Variants in STAT1 observed in about 807,000 individuals in gnomAD.
The protein encoded by STAT1 is signal transducer and activator of transcription 1.
A neutral mutation model predicts 111.7 loss-of-function variants in STAT1; 24 were observed. That is an observed-to-expected ratio of 0.21 (90% confidence interval 0.16 to 0.30). The LOEUF is 0.30. Among genes scored for constraint, STAT1 ranks in the 10% least tolerant of loss-of-function variants. STAT1 has a pLI of 1.00. For synonymous variants in STAT1, 332 were observed against 326.5 expected (o/e 1.02, Z -0.18); for missense variants, 351 against 911.9 (o/e 0.38, Z 7.92).
At chr2:191,001,334 CA>C (rs1429484446) in intron 5 of STAT1, among the ~76,000 whole-genome samples, 171 bp from the exon 6 acceptor site, 2 of 152,178 alleles carry the variant, frequency 1.3e-5, no homozygotes, top group Non-Finnish European at 2.9e-5. Context: ...AAAATGCTGG[CA>C]AACTGTTAAC....
chr2:191,013,125 T>C (rs1695267365), intron 2 of STAT1, among the ~76,000 whole-genome samples: 1 of 152,240 alleles, frequency 6.6e-6, no homozygotes, highest in Non-Finnish European at 1.5e-5. Flanking sequence ...GTTTGTTGAA[T>C]TGAAATTATG....
Position 190,993,541 on chromosome 2 carries a change from A to G in STAT1, c.944+1520T>C. 1.5e-6 allele frequency: 1 copy of G among 676,800 alleles called. No individual in the cohort carries two copies. Among genetic ancestry groups the G allele is most frequent in the Non-Finnish European group, 2.7e-6 (1 of 368,682 alleles). The allele number at this position is 676,800 out of a possible 1,614,324, so 41.9% of individuals were successfully genotyped here. ...CCAATCAGAAGTAATTTGAATAAAT[A>G]ATCAATTTGGGATTCATGCTGGACA... is the stretch of plus-strand genomic sequence containing the variant. On this transcript the variant is annotated intron_variant, in intron 10 of 24. Coordinates refer to ENST00000361099, the MANE Select transcript of STAT1 (RefSeq NM_007315.4). The surrounding 1 kb of genome is among the most constrained non-coding windows in gnomAD (Gnocchi z 4.1).
intron 4 of STAT1, 125 bp downstream of exon 4, chr2:191,008,838 G>T: frequency 1.0e-6 from 1 of 959,936 alleles, no homozygotes; most frequent in Non-Finnish European, 1.6e-6. Context: ...AACATAAATG[G>T]AGTTAGTCTC....
rs551269072 is a variant in STAT1, at chr2:190,983,912, T to C, written c.1348-172A>G. 1.1e-4 allele frequency among the ~76,000 whole-genome samples: 16 copies of C among 152,318 alleles called. No homozygotes were observed. The South Asian group carries it at 3.3e-3, about 32-fold the overall frequency. On this transcript the variant is annotated intron_variant, in intron 16 of 24. Transcript: ENST00000361099. This position sits in a 1 kb window ranked among gnomAD's most constrained non-coding sequence, Gnocchi z 5.7. Reference sequence around the variant, plus strand: ...TCTGTCCAGTTTAACTTGTCTTTGATGTATCTTTCAGTTAAGAAATAAGTC... The same window carrying C: ...TCTGTCCAGTTTAACTTGTCTTTGACGTATCTTTCAGTTAAGAAATAAGTC...
Position 190,997,738 on chromosome 2 carries a change from T to C in STAT1, c.785+118A>G. On this transcript the variant is annotated intron_variant, in intron 9 of 24. Transcript: ENST00000361099. This position sits in a 1 kb window ranked among gnomAD's most constrained non-coding sequence, Gnocchi z 7.3. Reference sequence around the variant, plus strand: ...CAGGGTAAGCAGAAGCTGGACTATGTCAAACTCTATACTAATGTTTTGACA... The same window carrying C: ...CAGGGTAAGCAGAAGCTGGACTATGCCAAACTCTATACTAATGTTTTGACA... The C allele has an allele frequency of 6.7e-7, 1 of 1,486,590 alleles. No individual in the cohort carries two copies. Among genetic ancestry groups the C allele is most frequent in the South Asian group, 1.2e-5 (1 of 86,742 alleles). 92.1% of individuals were successfully genotyped at this position (1,486,590 alleles called of 1,614,324 possible). A position where few individuals can be genotyped will look rare whatever the true frequency, so the allele number is the denominator to read the frequency against.
chr2:191,001,159 T>C lies in STAT1; in HGVS notation c.377A>G (p.Gln126Arg), dbSNP rs748265365. The change falls in exon 6 of 25, where the codon CAG (glutamine) becomes CGG (arginine). Residue 126 changes from glutamine to arginine, a missense_variant. By Grantham distance (43) the Gln-to-Arg change is conservative. Around this residue, in one of 7 missense-constraint regions of STAT1, gnomAD observed 20 missense variants for 18.4 expected, o/e 1.09. Coordinates refer to ENST00000361099, the MANE Select transcript of STAT1 (RefSeq NM_007315.4). ...CACTGTGCTCTGAATATTCCCCGAC[T>C]GAGCCTGTAATGGGAAGGGCATGAT... Reference protein sequence around the residue: ...LENAQRFNQAQSGNIQSTVML... With the variant: ...LENAQRFNQARSGNIQSTVML... 4 of 1,613,256 alleles carry C rather than the reference T, an allele frequency of 2.5e-6. 1 individual carries two copies. In the South Asian group the frequency reaches 4.4e-5, roughly 18 times the overall value.
At position 190,973,080 on chromosome 2, in the gene STAT1, A is replaced by G. The variant is rs765028967; in HGVS notation, c.2238+1750T>C. Among the ~76,000 whole-genome samples, 1 of 152,164 alleles carries G rather than the reference A, an allele frequency of 6.6e-6. No individual in the cohort carries two copies. The highest frequency in any genetic ancestry group is 1.9e-4 in the East Asian group (1 of 5,190). On this transcript the variant is annotated intron_variant, in intron 24 of 24. Transcript: ENST00000361099. The surrounding 1 kb of genome is among the most constrained non-coding windows in gnomAD (Gnocchi z 4.4). ...CTATTTTCTCAATAATGGTGATGAC[A>G]GAGATGGAATGCTGATTGCCAAATC...
chr2:190,997,264 C>T lies in STAT1; in HGVS notation c.785+592G>A, dbSNP rs534057273. On this transcript the variant is annotated intron_variant, in intron 9 of 24. Coordinates refer to ENST00000361099, the MANE Select transcript of STAT1 (RefSeq NM_007315.4). This position sits in a 1 kb window ranked among gnomAD's most constrained non-coding sequence, Gnocchi z 7.3. Reference sequence around the variant, plus strand: ...GGCCACTTCCTCTATGAAACCTTCCCTGGAGATGCTTTCCTTTGTCCTCCA... The same window carrying T: ...GGCCACTTCCTCTATGAAACCTTCCTTGGAGATGCTTTCCTTTGTCCTCCA... Among the ~76,000 whole-genome samples the T allele has an allele frequency of 2.6e-5, 4 of 152,350 alleles. No homozygotes were observed. The highest frequency in any genetic ancestry group is 9.6e-5 in the African/African-American group (4 of 41,586).
Position 191,000,342 on chromosome 2 carries a change from C to T in STAT1, c.463-638G>A, listed in dbSNP as rs1300653311. ...TTAATGAAATGTTTCCCTAGGAGAC[C>T]GCAAGATGAAGTTGCTCCAAAGAAT... On this transcript the variant is annotated intron_variant, in intron 6 of 24. Coordinates refer to ENST00000361099, the MANE Select transcript of STAT1 (RefSeq NM_007315.4). The surrounding 1 kb of genome is among the most constrained non-coding windows in gnomAD (Gnocchi z 4.8). Among the ~76,000 whole-genome samples, 11 of 152,240 alleles carry T rather than the reference C, an allele frequency of 7.2e-5. 1 individual carries two copies. The highest frequency in any genetic ancestry group is 4.2e-4 in the South Asian group (2 of 4,816).
chr2:190,989,915 C>G lies in STAT1; in HGVS notation c.1038-241G>C, dbSNP rs1473760706. Among the ~76,000 whole-genome samples, 1 of 152,202 alleles carries G rather than the reference C, an allele frequency of 6.6e-6. No individual in the cohort carries two copies. The highest frequency in any genetic ancestry group is 2.4e-5 in the African/African-American group (1 of 41,452). On this transcript the variant is annotated intron_variant, in intron 11 of 24. Coordinates refer to ENST00000361099, the MANE Select transcript of STAT1 (RefSeq NM_007315.4). The surrounding 1 kb of genome is among the most constrained non-coding windows in gnomAD (Gnocchi z 5.0). ...TAACACTAATTCTGACAGGATGCCG[C>G]CCTGATTTTACATTGCCACCAAAAG...
Position 190,997,944 on chromosome 2 carries a change from TAATC to T in STAT1, c.693_696del (p.Ile232MetfsTer4), listed in dbSNP as rs762060782. The stretch of plus-strand genomic sequence containing the variant: ...CGCTTCCACTCCACTAGTTCATCAT[TAATC>T]AGGGCATTCTGGGTAAGTTCAGTGA... On this transcript the variant is annotated frameshift_variant, in exon 9 of 25. Coordinates refer to ENST00000361099, the MANE Select transcript of STAT1 (RefSeq NM_007315.4). LOFTEE classifies it high-confidence loss of function. The surrounding 1 kb of genome is among the most constrained non-coding windows in gnomAD (Gnocchi z 7.3). 6.2e-7 allele frequency: 1 copy of T among 1,614,252 alleles called. No homozygotes were observed. The highest frequency in any genetic ancestry group is 1.1e-5 in the South Asian group (1 of 91,084).
rs746193127 is a variant in STAT1, at chr2:190,975,987, A to T, written c.2060-100T>A. ...GATTAAAGTTCTACTGTGTTTCTAG[A>T]CAGCTTAGCCTCCTAAAACTTTAAG... On this transcript the variant is annotated intron_variant, in intron 22 of 24. Coordinates refer to ENST00000361099, the MANE Select transcript of STAT1 (RefSeq NM_007315.4). The surrounding 1 kb of genome is among the most constrained non-coding windows in gnomAD (Gnocchi z 5.9). 212 of 1,079,070 alleles carry T rather than the reference A, an allele frequency of 2.0e-4. No homozygotes were observed. Among genetic ancestry groups the T allele is most frequent in the Non-Finnish European group, 2.8e-4 (203 of 713,094 alleles). The allele number at this position is 1,079,070 out of a possible 1,614,324, so 66.8% of individuals were successfully genotyped here. A position where few individuals can be genotyped will look rare whatever the true frequency, so the allele number is the denominator to read the frequency against.
In STAT1 at chr2:190,993,548, T is replaced by C. The variant is rs2125055200; in HGVS notation, c.944+1513A>G. The C allele has an allele frequency of 1.5e-6, 1 of 655,814 alleles. No homozygotes were observed. The highest frequency in any genetic ancestry group is 2.8e-6 in the Non-Finnish European group (1 of 351,828). 40.6% of individuals were successfully genotyped at this position (655,814 alleles called of 1,614,324 possible). A position where few individuals can be genotyped will look rare whatever the true frequency, so the allele number is the denominator to read the frequency against. On this transcript the variant is annotated intron_variant, in intron 10 of 24. Transcript: ENST00000361099. The surrounding 1 kb of genome is among the most constrained non-coding windows in gnomAD (Gnocchi z 4.1). ...GAAGTAATTTGAATAAATAATCAAT[T>C]TGGGATTCATGCTGGACATGTCACT...
At chr2:190,991,153 AG>A in intron 11 of STAT1, 74 bp downstream of exon 11, 4 of 1,411,488 alleles carry the variant, frequency 2.8e-6, no homozygotes, top group Non-Finnish European at 4.0e-6. Flanking sequence ...CCTATATAAC[AG>A]TTTTTATAAA....
chr2:190,996,575 C>T lies in STAT1; in HGVS notation c.785+1281G>A, dbSNP rs1349599331. Among the ~76,000 whole-genome samples, 5 of 152,204 alleles carry T rather than the reference C, an allele frequency of 3.3e-5. No individual in the cohort carries two copies. Among genetic ancestry groups the T allele is most frequent in the Non-Finnish European group, 7.4e-5 (5 of 68,016 alleles). ...CTAAACACCCCAGGGCCTCCCTGGCCACCTGAAGGGCTTTAGGGTTGTATG... is the reference window on the plus strand; with the variant it reads ...CTAAACACCCCAGGGCCTCCCTGGCTACCTGAAGGGCTTTAGGGTTGTATG... On this transcript the variant is annotated intron_variant, in intron 9 of 24. Transcript: ENST00000361099. The surrounding 1 kb of genome is among the most constrained non-coding windows in gnomAD (Gnocchi z 4.5).
At position 190,995,361 on chromosome 2, in the gene STAT1, G is replaced by A; in HGVS notation, c.786-142C>T. ...ACTGGAGAATTTATAAAGGAAAGAG[G>A]TTTAATTGACACATAGTTCCACATG... On this transcript the variant is annotated intron_variant, in intron 9 of 24. Coordinates refer to ENST00000361099, the MANE Select transcript of STAT1 (RefSeq NM_007315.4). The surrounding 1 kb of genome is among the most constrained non-coding windows in gnomAD (Gnocchi z 4.2). The A allele has an allele frequency of 3.3e-6, 3 of 909,124 alleles. No individual in the cohort carries two copies. The highest frequency in any genetic ancestry group is 5.3e-6 in the Non-Finnish European group (3 of 570,626). 56.3% of individuals were successfully genotyped at this position (909,124 alleles called of 1,614,324 possible).
At chr2:190,994,954 ATAT>A (rs1559017157) in intron 10 of STAT1, 104 bp downstream of exon 10, 77 of 424,098 alleles carry the variant, frequency 1.8e-4, no homozygotes, top group Non-Finnish European at 2.9e-4. Context: ...ATATATATAT[ATAT>A]AAAAAACACC....
rs1692395747 is a variant in STAT1 at position 190,981,571 on chromosome 2, T to A, written c.1582+812A>T. 6.6e-6 allele frequency among the ~76,000 whole-genome samples: 1 copy of A among 152,226 alleles called. No homozygotes were observed. Among genetic ancestry groups the A allele is most frequent in the African/African-American group, 2.4e-5 (1 of 41,456 alleles). On this transcript the variant is annotated intron_variant, in intron 18 of 24. Coordinates refer to ENST00000361099, the MANE Select transcript of STAT1 (RefSeq NM_007315.4). The surrounding 1 kb of genome is among the most constrained non-coding windows in gnomAD (Gnocchi z 4.1). ...AAAGAAATGGAATAAGGGGATTTTG[T>A]ACTTGTATTAAACAGCACAAGACCA...
rs891647264 is a variant in STAT1 at position 190,974,402 on chromosome 2, TTCTC to T, written c.2238+424_2238+427del. On this transcript the variant is annotated intron_variant, in intron 24 of 24. Coordinates refer to ENST00000361099, the MANE Select transcript of STAT1 (RefSeq NM_007315.4). This position sits in a 1 kb window ranked among gnomAD's most constrained non-coding sequence, Gnocchi z 4.8. ...TAATCTCATTGCTGCTAAAGTATAA[TTCTC>T]TCTAATTACTGTAACTACCAAGCGT... 2.6e-5 allele frequency among the ~76,000 whole-genome samples: 4 copies of T among 152,318 alleles called. No homozygotes were observed. The highest frequency in any genetic ancestry group is 1.9e-4 in the East Asian group (1 of 5,188).
Sources: gnomAD v4.1 joint callset for allele counts (sites outside exome capture counted in the v4.1 genomes callset) on GRCh38, gnomAD v4.1.1 for gene constraint, gnomAD v4.1.1 regional missense constraint, Gnocchi (gnomAD v3.1) non-coding constraint, MANE v1.5 for transcripts, NCBI Gene and HGNC (gene_info 2026-07-23, HGNC 2026-07-21) for gene names.